ATP13A4: variants seen among roughly 807,000 people sequenced by gnomAD.
ATP13A4 encodes probable cation-transporting ATPase 13A4.
A neutral mutation model predicts 142.5 loss-of-function variants in ATP13A4; 114 were observed. The ratio of observed to expected loss-of-function variants is 0.80; its 90% CI spans 0.69 to 0.93. The LOEUF (loss-of-function observed/expected upper bound fraction) is 0.93. ATP13A4 is among the 40% of genes least tolerant of loss of function. The pLI is 0.00. For synonymous variants in ATP13A4, 488 were observed against 514.8 expected (o/e 0.95, Z 0.70); for missense variants, 1,392 against 1,454.0 (o/e 0.96, Z 0.69).
intron 8 of ATP13A4, among the ~76,000 whole-genome samples, chr3:193,473,396 T>C (rs1454880622): frequency 1.3e-5 from 2 of 152,318 alleles, no homozygotes; most frequent in African/African-American, 4.8e-5. Context: ...TGGCAACTAA[T>C]TAATGTAGAA....
At chr3:193,457,324 G>A in intron 15 of ATP13A4, 55 bp downstream of exon 15, 3 of 1,600,682 alleles carry the variant, frequency 1.9e-6, no homozygotes, top group Non-Finnish European at 2.6e-6. Flanking sequence ...CTGGGGGCCA[G>A]AAGAGTTTCT....
chr3:193,513,712 T>C (rs1721255929), intron 2 of ATP13A4, among the ~76,000 whole-genome samples: 1 of 152,238 alleles, frequency 6.6e-6, no homozygotes, highest in South Asian at 2.1e-4. Flanking sequence ...GAGGCTTTTA[T>C]TAACAGAGAG....
At chr3:193,504,554 G>A (rs112500465) in intron 2 of ATP13A4, among the ~76,000 whole-genome samples, 6 of 152,184 alleles carry the variant, frequency 3.9e-5, no homozygotes, top group South Asian at 2.1e-4. Flanking sequence ...GACATACTTG[G>A]TAACTATTAG....
chr3:193,589,169 AAT>A (rs901453933), intron 1 of ATP13A4, among the ~76,000 whole-genome samples: 35 of 151,792 alleles, frequency 2.3e-4, no homozygotes, highest in African/African-American at 3.6e-4. Flanking sequence ...ACAAAAACCA[AAT>A]ATATATATAT....
chr3:193,424,824 G>A (rs1273661306), intron 25 of ATP13A4, among the ~76,000 whole-genome samples: 1 of 149,122 alleles, frequency 6.7e-6, no homozygotes. Flanking sequence ...TAGACAAATG[G>A]GGATTACATA....
At chr3:193,533,993 T>C (rs1722463343) in intron 1 of ATP13A4, among the ~76,000 whole-genome samples, 1 of 152,152 alleles carries the variant, frequency 6.6e-6, no homozygotes, top group Non-Finnish European at 1.5e-5. Context: ...AGTTAGAACT[T>C]TCCTAACTAC....
In ATP13A4 at chr3:193,407,413, C is replaced by T. The variant is rs755256362; in HGVS notation, c.3298-20G>A. ...GAGCAGCTGGCGGGAGATGATGAAG[C>T]ACAGTTAGTCTGAAGACACGCAGAT... On this transcript the variant is annotated intron_variant, in intron 28 of 29. Transcript: ENST00000342695. 4 of 1,583,880 alleles carry T rather than the reference C, an allele frequency of 2.5e-6. No individual in the cohort carries two copies. In the East Asian group the frequency reaches 6.7e-5, roughly 27 times the overall value.
chr3:193,545,992 T>G (rs1458036379), intron 1 of ATP13A4, among the ~76,000 whole-genome samples: 2 of 57,500 alleles, frequency 3.5e-5, no homozygotes, highest in Non-Finnish European at 8.2e-5. Flanking sequence ...TGTGTGTGTG[T>G]GTGTGTGTGT....
In ATP13A4 at chr3:193,554,650, G is replaced by A. The variant is rs575469776; in HGVS notation, c.60+90C>T. The A allele has an allele frequency of 4.8e-4, 633 of 1,305,710 alleles. 4 individuals carry two copies. The African/African-American group carries it at 0.014, about 29-fold the overall frequency. 80.9% of individuals were successfully genotyped at this position (1,305,710 alleles called of 1,614,324 possible). On this transcript the variant is annotated intron_variant, in intron 1 of 29. Transcript: ENST00000342695. ...AGAAAAGTCTGTGTGTGTGTGATGC[G>A]TGCGTGTGTGTGTGTGTGTGTGTGT...
intron 28 of ATP13A4, 50 bp from the exon 29 acceptor site, chr3:193,407,443 G>A (rs1384509410): frequency 7.1e-7 from 1 of 1,407,098 alleles, no homozygotes; most frequent in South Asian, 1.2e-5. Context: ...GCAGATGCTG[G>A]AAACATGCTC....
intron 2 of ATP13A4, among the ~76,000 whole-genome samples, chr3:193,575,301 T>C (rs995706948): frequency 2.0e-5 from 3 of 152,198 alleles, no homozygotes; most frequent in Non-Finnish European, 4.4e-5. Flanking sequence ...ACTATCATCA[T>C]AGAAGTTTCT....
chr3:193,402,880 A>T lies in ATP13A4; in HGVS notation c.3379-16T>A, dbSNP rs1714318956. On this transcript the variant is annotated splice_polypyrimidine_tract_variant and intron_variant, in intron 29 of 29. Transcript: ENST00000342695. ...TAACAGCCTCCTGCAAAATAAAATA[A>T]TTACTTTTTACAAGCAAGGGTTGAG... The T allele has an allele frequency of 1.2e-6, 2 of 1,611,228 alleles. No homozygotes were observed. Among genetic ancestry groups the T allele is most frequent in the Non-Finnish European group, 1.7e-6 (2 of 1,178,208 alleles).
intron 2 of ATP13A4, among the ~76,000 whole-genome samples, chr3:193,574,804 G>A (rs1724359571): frequency 6.6e-6 from 1 of 152,196 alleles, no homozygotes; most frequent in Admixed American, 6.5e-5. Context: ...GAGTGTGTGT[G>A]GGGAGAGGGG....
In ATP13A4 at chr3:193,400,539, C is replaced by T. The variant is rs1714228265; in HGVS notation, c.*2113G>A. Among the ~76,000 whole-genome samples, 1 of 152,220 alleles carries T rather than the reference C, an allele frequency of 6.6e-6. No individual in the cohort carries two copies. Among genetic ancestry groups the T allele is most frequent in the Non-Finnish European group, 1.5e-5 (1 of 68,036 alleles). On this transcript the variant is annotated 3_prime_UTR_variant, in exon 30 of 30. Transcript: ENST00000342695. ...CCCATTCTTTGCTTGACTGTGAGAT[C>T]ACACTAAGCAACCTGCCCTGCTGGA...
intron 1 of ATP13A4, among the ~76,000 whole-genome samples, chr3:193,535,061 G>A (rs1385006550): frequency 6.6e-6 from 1 of 152,118 alleles, no homozygotes; most frequent in Non-Finnish European, 1.5e-5. Context: ...TTACAGGCAT[G>A]AGCCACCACA....
chr3:193,403,879 GA>G, intron 29 of ATP13A4: 1 of 985,376 alleles, frequency 1.0e-6, no homozygotes, highest in Non-Finnish European at 1.2e-6. Flanking sequence ...TTGCTAATTT[GA>G]AAGAGTTAAT....
chr3:193,462,024 C>G (rs983769894), intron 13 of ATP13A4, among the ~76,000 whole-genome samples: 1 of 152,056 alleles, frequency 6.6e-6, no homozygotes, highest in Non-Finnish European at 1.5e-5. Context: ...GAGTTTGAGA[C>G]CAGCCTGGCC....
At chr3:193,531,829 A>ACTG (rs1301561485) in intron 1 of ATP13A4, among the ~76,000 whole-genome samples, 1 of 152,144 alleles carries the variant, frequency 6.6e-6, no homozygotes, top group African/African-American at 2.4e-5. Flanking sequence ...AAACCTCCTT[A>ACTG]TTGGTAAGTG....
chr3:193,590,015 C>T (rs1213320973), intron 1 of ATP13A4, among the ~76,000 whole-genome samples: 4 of 150,090 alleles, frequency 2.7e-5, no homozygotes, highest in Non-Finnish European at 4.4e-5. Context: ...CTGACCCTCT[C>T]AGTCCTTCAT....
Sources: allele counts gnomAD v4.1 joint callset (sites outside exome capture counted in the v4.1 genomes callset), GRCh38; gene constraint gnomAD v4.1.1; transcripts MANE v1.5; gene names NCBI Gene and HGNC (gene_info 2026-07-23, HGNC 2026-07-21).